The following TPRG1 variants were observed in gnomAD, a reference collection of about 807,000 sequenced individuals.
The protein encoded by TPRG1 is tumor protein p63 regulated 1, also known as tumor protein p63-regulated gene 1 protein.
TPRG1 carries 29 observed loss-of-function variants against 29.3 expected under a neutral mutation model. The ratio of observed to expected loss-of-function variants is 0.99; its 90% CI spans 0.74 to 1.35. The LOEUF is 1.35. Ranked by LOEUF, TPRG1 falls within the 40% of genes most tolerant of loss-of-function variation. The pLI, the probability that TPRG1 is intolerant of heterozygous loss-of-function variation, is 0.00. For synonymous variants in TPRG1, 130 were observed against 116.8 expected, an observed-to-expected ratio of 1.11 and a Z score of -0.73; for missense variants, 327 against 335.0, an observed-to-expected ratio of 0.98 and a Z score of 0.19.
At chr3:189,295,007 C>T (rs775258015) in intron 4 of TPRG1, among the ~76,000 whole-genome samples, 12 of 152,212 alleles carry the variant, frequency 7.9e-5, no homozygotes, top group Non-Finnish European at 1.6e-4. Flanking sequence ...ACCTCACCTA[C>T]GGTGAGAAGT....
At chr3:189,153,577 C>T (rs1726248597) in intron 5 of TPRG1, among the ~76,000 whole-genome samples, 1 of 151,992 alleles carries the variant, frequency 6.6e-6, no homozygotes, top group African/African-American at 2.4e-5. Flanking sequence ...TCGGGGTGAG[C>T]CAGCTCCCAT....
intron 4 of TPRG1, among the ~76,000 whole-genome samples, chr3:189,063,886 T>C (rs1301288441): frequency 1.3e-5 from 2 of 152,172 alleles, no homozygotes; most frequent in Non-Finnish European, 2.9e-5. Context: ...GAAGTCATTA[T>C]ACTCATGATT....
chr3:189,209,238 A>C (rs1432763423), intron 2 of TPRG1, among the ~76,000 whole-genome samples: 3 of 152,246 alleles, frequency 2.0e-5, no homozygotes, highest in Non-Finnish European at 4.4e-5. Context: ...CTTGCCGTTA[A>C]GTAAACCAGG....
intron 4 of TPRG1, among the ~76,000 whole-genome samples, chr3:189,241,297 A>C (rs1244304713): frequency 6.6e-6 from 1 of 152,190 alleles, no homozygotes; most frequent in Admixed American, 6.5e-5. Context: ...GAGATAGTAA[A>C]GAAAAGTCTC....
chr3:189,032,120 TA>T (rs1384263792), intron 4 of TPRG1, among the ~76,000 whole-genome samples: 1 of 152,144 alleles, frequency 6.6e-6, no homozygotes, highest in African/African-American at 2.4e-5. Context: ...AGTTAAAGAT[TA>T]TAAGACAAAA....
chr3:189,290,536 C>T (rs776912240), intron 4 of TPRG1, among the ~76,000 whole-genome samples: 8 of 152,174 alleles, frequency 5.3e-5, no homozygotes, highest in Non-Finnish European at 1.0e-4. Flanking sequence ...CAAACAGATA[C>T]GTTTTCCATC....
At chr3:189,151,437 T>A (rs1334036883) in intron 5 of TPRG1, among the ~76,000 whole-genome samples, 14 of 152,256 alleles carry the variant, frequency 9.2e-5, no homozygotes, top group East Asian at 1.9e-4. Context: ...AAAACCATGC[T>A]ATAGCAAAGG....
intron 1 of TPRG1, among the ~76,000 whole-genome samples, chr3:189,115,248 T>G (rs914811158): frequency 6.6e-6 from 1 of 152,218 alleles, no homozygotes; most frequent in Non-Finnish European, 1.5e-5. Flanking sequence ...TGGATCAGAA[T>G]TTGAGAGAAG....
chr3:189,028,340 A>G (rs1375579192), intron 4 of TPRG1, among the ~76,000 whole-genome samples: 1 of 152,160 alleles, frequency 6.6e-6, no homozygotes, highest in East Asian at 1.9e-4. Flanking sequence ...AAAGGTGGAG[A>G]GAACGAATGA....
intron 4 of TPRG1, among the ~76,000 whole-genome samples, chr3:189,031,713 T>C (rs1347887262): frequency 1.3e-5 from 2 of 152,214 alleles, no homozygotes; most frequent in Non-Finnish European, 2.9e-5. Flanking sequence ...TGATTCACTC[T>C]GTGGAGGAGT....
chr3:189,186,802 C>G (rs1449526718), intron 1 of TPRG1, among the ~76,000 whole-genome samples: 2 of 151,904 alleles, frequency 1.3e-5, no homozygotes, highest in African/African-American at 2.4e-5. Flanking sequence ...ATGGATTATA[C>G]TTGAACCTGG....
chr3:189,295,284 A>G (rs1014004652), intron 4 of TPRG1, among the ~76,000 whole-genome samples: 30 of 152,222 alleles, frequency 2.0e-4, no homozygotes, highest in Admixed American at 1.4e-3. Flanking sequence ...ATGCAGAGGC[A>G]TTTCCTTGTT....
intron 4 of TPRG1, among the ~76,000 whole-genome samples, chr3:189,057,870 G>A (rs942442877): frequency 8.4e-6 from 1 of 119,700 alleles, no homozygotes; most frequent in Non-Finnish European, 1.6e-5. Context: ...ACATACGTAT[G>A]TGTGTATATA....
intron 4 of TPRG1, among the ~76,000 whole-genome samples, chr3:189,255,394 T>C (rs1711660714): frequency 6.6e-6 from 1 of 152,146 alleles, no homozygotes; most frequent in Non-Finnish European, 1.5e-5. Flanking sequence ...TGGTGGATAA[T>C]CTTTTTGATG....
At chr3:189,153,005 G>T (rs575760792) in intron 5 of TPRG1, among the ~76,000 whole-genome samples, 22 of 152,362 alleles carry the variant, frequency 1.4e-4, no homozygotes, top group African/African-American at 4.6e-4. Context: ...AGTTTCACGT[G>T]TGTCTTAGAT....
chr3:189,175,561 G>GT (rs1279111681), intron 1 of TPRG1, among the ~76,000 whole-genome samples: 3 of 152,146 alleles, frequency 2.0e-5, no homozygotes, highest in African/African-American at 7.2e-5. Flanking sequence ...ATCCAAGTTT[G>GT]TAAGTCGTCA....
rs201487001 is a variant in TPRG1 at position 189,194,090 on chromosome 3, G to GT, written c.-9-13278dup. ...AAGATTTTCACCTGCACCTGCTGTT[G>GT]TTTTTTTTGCCTGCTGGTTGTGAAG... is the stretch of plus-strand genomic sequence containing the variant. On this transcript the variant is annotated intron_variant, in intron 1 of 5. Coordinates refer to ENST00000345063, the MANE Select transcript of TPRG1 (RefSeq NM_198485.4). 7.2e-3 allele frequency among the ~76,000 whole-genome samples: 1,091 copies of GT among 151,052 alleles called. 13 individuals are homozygous for GT. The highest frequency in any genetic ancestry group is 0.025 in the African/African-American group (1,016 of 41,120).
chr3:189,134,020 T>A (rs1437302197), intron 3 of TPRG1, among the ~76,000 whole-genome samples: 2 of 152,176 alleles, frequency 1.3e-5, no homozygotes, highest in Non-Finnish European at 2.9e-5. Flanking sequence ...GCAGGCTTTA[T>A]TGCTGCTTGG....
At chr3:189,288,145 CAAAATTTAGCTA>C (rs1718389568) in intron 4 of TPRG1, among the ~76,000 whole-genome samples, 1 of 151,234 alleles carries the variant, frequency 6.6e-6, no homozygotes, top group African/African-American at 2.4e-5. Flanking sequence ...TATACACAAC[CAAAATTTAGCTA>C]AATAATAAAA....
Sources: allele counts gnomAD v4.1 joint callset (sites outside exome capture counted in the v4.1 genomes callset), GRCh38; gene constraint gnomAD v4.1.1; transcripts MANE v1.5; gene names NCBI Gene and HGNC (gene_info 2026-07-23, HGNC 2026-07-21).